The following SMPDL3A variants were observed in gnomAD, a reference collection of about 807,000 sequenced individuals.
SMPDL3A encodes the protein sphingomyelin phosphodiesterase acid like 3A.
SMPDL3A carries 39 observed loss-of-function variants against 38.5 expected under a neutral mutation model. The ratio of observed to expected loss-of-function variants is 1.01; its 90% CI spans 0.78 to 1.32. The LOEUF (loss-of-function observed/expected upper bound fraction) is 1.32. Ranked by LOEUF, SMPDL3A falls within the 40% of genes most tolerant of loss-of-function variation. The pLI, the probability that SMPDL3A is intolerant of heterozygous loss-of-function variation, is 0.00. For missense variants in SMPDL3A, 502 were observed against 536.2 expected (o/e 0.94, Z 0.63); for synonymous variants, 180 against 194.3 (o/e 0.93, Z 0.61).
At chr6:122,803,103 C>T (rs1411006202) in intron 4 of SMPDL3A, among the ~76,000 whole-genome samples, 1 of 152,148 alleles carries the variant, frequency 6.6e-6, no homozygotes, top group Non-Finnish European at 1.5e-5. Context: ...GATCTTAGTG[C>T]CCAGCTCTGA....
chr6:122,791,859 A>C (rs1781088852), intron 1 of SMPDL3A, among the ~76,000 whole-genome samples: 1 of 152,082 alleles, frequency 6.6e-6, no homozygotes, highest in East Asian at 1.9e-4. Context: ...ATGCCTGGCT[A>C]ATTTTTTGTA....
intron 4 of SMPDL3A, among the ~76,000 whole-genome samples, chr6:122,802,195 C>CTTTTTTTTTTTTTTTTTTTTTT (rs3031702): frequency 8.1e-6 from 1 of 123,560 alleles, no homozygotes. Context: ...TATATCTAGT[C>CTTTTTTTTTTTTTTTTTTTTTT]TTTTTTTTTT....
intron 7 of SMPDL3A, among the ~76,000 whole-genome samples, chr6:122,806,861 G>A (rs75101962): frequency 5.3e-5 from 8 of 152,122 alleles, no homozygotes; most frequent in African/African-American, 1.4e-4. Flanking sequence ...TTAGAAAAAC[G>A]CTTGGCTCAT....
At chr6:122,791,352 T>G (rs900432095) in intron 1 of SMPDL3A, among the ~76,000 whole-genome samples, 4 of 152,190 alleles carry the variant, frequency 2.6e-5, no homozygotes. Flanking sequence ...GAAGGACTCC[T>G]TACTTCTATA....
At chr6:122,798,414 C>T (rs867621818) in intron 3 of SMPDL3A, among the ~76,000 whole-genome samples, 2 of 152,148 alleles carry the variant, frequency 1.3e-5, no homozygotes, top group Non-Finnish European at 2.9e-5. Context: ...TTCATAGTCA[C>T]TAGAATGTAA....
At chr6:122,796,336 A>G (rs1781248027) in intron 2 of SMPDL3A, among the ~76,000 whole-genome samples, 1 of 152,200 alleles carries the variant, frequency 6.6e-6, no homozygotes, top group South Asian at 2.1e-4. Flanking sequence ...TAATACTTGT[A>G]GAATATTTAC....
At chr6:122,807,109 C>G (rs1206373372) in intron 7 of SMPDL3A, among the ~76,000 whole-genome samples, 1 of 151,322 alleles carries the variant, frequency 6.6e-6, no homozygotes, top group African/African-American at 2.4e-5. Context: ...CTATGTTGCC[C>G]AGGCTGGTCT....
At chr6:122,806,129 C>A in intron 6 of SMPDL3A, 104 bp from the exon 7 acceptor site, 1 of 1,008,568 alleles carries the variant, frequency 9.9e-7, no homozygotes, top group South Asian at 2.2e-5. Context: ...GATCACATAT[C>A]ACTTGGTTAT....
chr6:122,790,293 C>G lies in SMPDL3A; in HGVS notation c.112+835C>G, dbSNP rs929190295. 4.5e-4 allele frequency among the ~76,000 whole-genome samples: 68 copies of G among 152,202 alleles called. 1 individual carries two copies. Among genetic ancestry groups the G allele is most frequent in the Non-Finnish European group, 2.1e-4 (14 of 68,044 alleles). On this transcript the variant is annotated intron_variant, in intron 1 of 7. Transcript: ENST00000368440. ...GTTTAACCCACCCTCCGCATGATTC[C>G]TTTCGGCTAAGTTTGAGACTCACTG... is the stretch of plus-strand genomic sequence containing the variant.
At chr6:122,794,368 C>T (rs771911568) in intron 1 of SMPDL3A, among the ~76,000 whole-genome samples, 13 of 152,024 alleles carry the variant, frequency 8.6e-5, no homozygotes, top group Admixed American at 3.9e-4. Flanking sequence ...GAGGCTGGGG[C>T]GGGCACATCA....
intron 1 of SMPDL3A, among the ~76,000 whole-genome samples, chr6:122,793,027 T>A (rs1332800774): frequency 6.6e-6 from 1 of 152,178 alleles, no homozygotes; most frequent in Non-Finnish European, 1.5e-5. Flanking sequence ...ATAGTTTAGA[T>A]CTGTTGCAGA....
rs1781559694 is a variant in SMPDL3A at position 122,805,048 on chromosome 6, A to C, written c.878A>C (p.His293Pro). 4 of 1,612,506 alleles carry C rather than the reference A, an allele frequency of 2.5e-6. No homozygotes were observed. The highest frequency in any genetic ancestry group is 3.4e-6 in the Non-Finnish European group (4 of 1,179,650). ...GTCATTGCAGGACAATTTTATGGAC[A>C]CACTCACAGAGACAGCATTATGGTT... ...SDVIAGQFYGHTHRDSIMVLS... is the reference protein window; with the variant it reads ...SDVIAGQFYGPTHRDSIMVLS... Residue 293 changes from histidine to proline, a missense_variant, in exon 6 of 8, where the codon CAC (histidine) becomes CCC (proline). By Grantham distance (77) the His-to-Pro change is moderately conservative (BLOSUM62 -2). Transcript: ENST00000368440.
intron 7 of SMPDL3A, among the ~76,000 whole-genome samples, 154 bp from the exon 8 acceptor site, chr6:122,808,937 A>T (rs915257217): frequency 5.3e-5 from 8 of 151,882 alleles, no homozygotes; most frequent in Non-Finnish European, 1.0e-4. Flanking sequence ...CAGGTAACCC[A>T]CCTGCCTCAG....
chr6:122,803,973 G>T, intron 5 of SMPDL3A, 140 bp downstream of exon 5: 3 of 627,258 alleles, frequency 4.8e-6, no homozygotes, highest in Non-Finnish European at 7.9e-6. Flanking sequence ...TACAACTCAT[G>T]GATTTTCTTT....
At chr6:122,794,780 A>C (rs2115162396) in intron 1 of SMPDL3A, among the ~76,000 whole-genome samples, 1 of 152,306 alleles carries the variant, frequency 6.6e-6, no homozygotes, top group South Asian at 2.1e-4. Flanking sequence ...AATAGCTTTT[A>C]AGAAGCTTTG....
chr6:122,797,990 T>C (rs1054999929), intron 3 of SMPDL3A, among the ~76,000 whole-genome samples: 1 of 152,220 alleles, frequency 6.6e-6, no homozygotes, highest in Non-Finnish European at 1.5e-5. Flanking sequence ...GCACATCCCT[T>C]GCCTTGCCTG....
chr6:122,806,594 T>C (rs995764966), intron 7 of SMPDL3A, among the ~76,000 whole-genome samples: 1 of 152,210 alleles, frequency 6.6e-6, no homozygotes, highest in African/African-American at 2.4e-5. Context: ...TCACATTTAT[T>C]TAGATGCTTT....
chr6:122,791,984 C>T (rs1241455469), intron 1 of SMPDL3A, among the ~76,000 whole-genome samples: 2 of 152,180 alleles, frequency 1.3e-5, no homozygotes, highest in African/African-American at 2.4e-5. Context: ...TGAGCCACCG[C>T]GCCCGACTTG....
At chr6:122,805,342 A>G (rs1441418811) in intron 6 of SMPDL3A, among the ~76,000 whole-genome samples, 1 of 152,188 alleles carries the variant, frequency 6.6e-6, no homozygotes, top group Non-Finnish European at 1.5e-5. Context: ...TGTCAACACA[A>G]AAGCCTCAGA....
Sources: gnomAD v4.1 joint callset for allele counts (sites outside exome capture counted in the v4.1 genomes callset) on GRCh38, gnomAD v4.1.1 for gene constraint, MANE v1.5 for transcripts, NCBI Gene and HGNC (gene_info 2026-07-23, HGNC 2026-07-21) for gene names.